The following ATXN1 variants were observed in gnomAD, a reference collection of about 807,000 sequenced individuals.
ATXN1 encodes the protein ataxin-1.
Under a neutral mutation model 56.4 loss-of-function variants are expected in ATXN1, and 8 were observed. The ratio of observed to expected loss-of-function variants is 0.14; its 90% CI spans 0.08 to 0.26. The LOEUF (loss-of-function observed/expected upper bound fraction) is 0.26. Ranked by LOEUF, ATXN1 falls within the 10% of genes least tolerant of loss-of-function variation. The probability of loss-of-function intolerance (pLI) is 1.00; values close to 1 mark genes in which losing one functional copy is unlikely to be tolerated. For missense variants in ATXN1, 987 were observed against 1,106.5 expected (o/e 0.89, Z 1.53); for synonymous variants, 514 against 494.6 (o/e 1.04, Z -0.52).
chr6:16,398,355 T>C (rs548319395), intron 6 of ATXN1, among the ~76,000 whole-genome samples: 4 of 152,360 alleles, frequency 2.6e-5, no homozygotes, highest in African/African-American at 9.6e-5. Context: ...GTCTAAGTTA[T>C]TCAAACCCAA....
chr6:16,447,839 C>A (rs1342331344), intron 6 of ATXN1, among the ~76,000 whole-genome samples: 11 of 152,194 alleles, frequency 7.2e-5, no homozygotes, highest in African/African-American at 2.7e-4. Flanking sequence ...TACCAACGGG[C>A]TTCAGAGCAT....
chr6:16,721,577 T>C (rs1759745989), intron 2 of ATXN1, among the ~76,000 whole-genome samples: 1 of 152,128 alleles, frequency 6.6e-6, no homozygotes, highest in African/African-American at 2.4e-5. Context: ...CAGTGAGCTA[T>C]GATCATGCCA....
chr6:16,555,252 C>CA (rs1260362494), intron 4 of ATXN1, among the ~76,000 whole-genome samples: 12 of 152,206 alleles, frequency 7.9e-5, no homozygotes, highest in African/African-American at 2.9e-4. Flanking sequence ...GCTCCACTTA[C>CA]AAACACTGCC....
intron 3 of ATXN1, among the ~76,000 whole-genome samples, chr6:16,607,788 A>G (rs1177825206): frequency 6.6e-6 from 1 of 152,212 alleles, no homozygotes; most frequent in Non-Finnish European, 1.5e-5. Flanking sequence ...AATTGATCAC[A>G]GATCCTAATA....
chr6:16,649,895 G>A (rs1477640355), intron 3 of ATXN1, among the ~76,000 whole-genome samples: 3 of 151,800 alleles, frequency 2.0e-5, no homozygotes, highest in Non-Finnish European at 2.9e-5. Flanking sequence ...ATAGCTATAT[G>A]AGCAGAAAAT....
intron 5 of ATXN1, among the ~76,000 whole-genome samples, chr6:16,501,603 T>C (rs1230921078): frequency 6.6e-6 from 1 of 152,186 alleles, no homozygotes; most frequent in Non-Finnish European, 1.5e-5. Flanking sequence ...GTTAGTTTGC[T>C]GAGAATGAGG....
At chr6:16,754,099 T>C (rs1760811736) in intron 1 of ATXN1, 1 of 152,212 alleles carries the variant, frequency 6.6e-6, no homozygotes, top group Non-Finnish European at 1.5e-5. Flanking sequence ...AACCTATGCA[T>C]AGAAACGGAA....
chr6:16,532,463 A>G (rs73724890), intron 4 of ATXN1, among the ~76,000 whole-genome samples: 2,385 of 152,314 alleles, frequency 0.016, 66 homozygotes, highest in African/African-American at 0.054. Flanking sequence ...TAAATGCTAA[A>G]TAGCCTCTTG....
At chr6:16,682,878 G>A (rs1046591066) in intron 2 of ATXN1, among the ~76,000 whole-genome samples, 15 of 151,998 alleles carry the variant, frequency 9.9e-5, no homozygotes, top group Non-Finnish European at 1.5e-4. Context: ...TCACTTTCCC[G>A]CTTCTATTCA....
At chr6:16,689,698 AATG>A (rs1404406494) in intron 2 of ATXN1, among the ~76,000 whole-genome samples, 1 of 151,930 alleles carries the variant, frequency 6.6e-6, no homozygotes, top group East Asian at 1.9e-4. Flanking sequence ...TATACTATAA[AATG>A]ATTATATTAA....
chr6:16,436,482 G>A (rs1759393203), intron 6 of ATXN1, among the ~76,000 whole-genome samples: 1 of 152,198 alleles, frequency 6.6e-6, no homozygotes, highest in Non-Finnish European at 1.5e-5. Context: ...GTGGTCTGGT[G>A]ACCATTTTTT....
At chr6:16,545,067 A>G (rs1761790128) in intron 4 of ATXN1, among the ~76,000 whole-genome samples, 1 of 152,200 alleles carries the variant, frequency 6.6e-6, no homozygotes, top group African/African-American at 2.4e-5. Context: ...AGAGCATGGC[A>G]AATACGCATT....
chr6:16,709,228 A>T (rs376195129), intron 2 of ATXN1, among the ~76,000 whole-genome samples: 40 of 152,270 alleles, frequency 2.6e-4, no homozygotes, highest in African/African-American at 9.1e-4. Flanking sequence ...AAAATGGAAA[A>T]GGGGATATCA....
chr6:16,666,356 T>C (rs188873931), intron 2 of ATXN1, among the ~76,000 whole-genome samples: 86 of 152,366 alleles, frequency 5.6e-4, no homozygotes, highest in African/African-American at 2.0e-3. Context: ...ACTGTGTATA[T>C]GTACCTTATT....
chr6:16,660,308 G>A (rs1228028329), intron 2 of ATXN1, among the ~76,000 whole-genome samples: 1 of 152,196 alleles, frequency 6.6e-6, no homozygotes, highest in Non-Finnish European at 1.5e-5. Flanking sequence ...AGAAAGCACA[G>A]GGGCCTAGGG....
chr6:16,326,845 G>C lies in ATXN1; in HGVS notation c.1466C>G (p.Pro489Arg), dbSNP rs1442071239. 2 of 1,609,374 alleles carry C rather than the reference G, an allele frequency of 1.2e-6. No homozygotes were observed. The highest frequency in any genetic ancestry group is 1.7e-6 in the Non-Finnish European group (2 of 1,176,520). ...AGTGCTGCCGACCGGGATGAGCAGGGGCTGTGTGCCGGGGATCACCAGGTG... is the reference window on the plus strand; with the variant it reads ...AGTGCTGCCGACCGGGATGAGCAGGCGCTGTGTGCCGGGGATCACCAGGTG... ...PQHLVIPGTQPLLIPVGSTDM... is the reference protein window; with the variant it reads ...PQHLVIPGTQRLLIPVGSTDM... Residue 489 changes from proline (P) to arginine (R), a missense_variant, in exon 7 of 8, where the codon CCC becomes CGC. Transcript: ENST00000436367. This position sits in a 1 kb window ranked among gnomAD's most constrained non-coding sequence, Gnocchi z 6.6.
chr6:16,382,953 G>C (rs1758161762), intron 6 of ATXN1, among the ~76,000 whole-genome samples: 1 of 152,090 alleles, frequency 6.6e-6, no homozygotes, highest in South Asian at 2.1e-4. Flanking sequence ...ATGGCACCAT[G>C]CTCAGAAAGA....
At chr6:16,693,778 C>A (rs1031084019) in intron 2 of ATXN1, among the ~76,000 whole-genome samples, 12 of 152,174 alleles carry the variant, frequency 7.9e-5, no homozygotes, top group African/African-American at 2.9e-4. Flanking sequence ...TACTCAAATT[C>A]TTTGAAAATT....
At chr6:16,510,809 C>T (rs910668482) in intron 5 of ATXN1, among the ~76,000 whole-genome samples, 1 of 152,130 alleles carries the variant, frequency 6.6e-6, no homozygotes, top group Admixed American at 6.5e-5. Flanking sequence ...ATTTTACCAA[C>T]CTTCTGAGGG....
Sources: gnomAD v4.1 joint callset for allele counts (sites outside exome capture counted in the v4.1 genomes callset) on GRCh38, gnomAD v4.1.1 for gene constraint, Gnocchi (gnomAD v3.1) non-coding constraint, MANE v1.5 for transcripts, NCBI Gene and HGNC (gene_info 2026-07-23, HGNC 2026-07-21) for gene names.